HCN1: variants seen among roughly 807,000 people sequenced by gnomAD.
HCN1 encodes hyperpolarization activated cyclic nucleotide gated potassium channel 1, also known as potassium/sodium hyperpolarization-activated cyclic nucleotide-gated channel 1.
A neutral mutation model predicts 78.9 loss-of-function variants in HCN1; 13 were observed. The ratio of observed to expected loss-of-function variants is 0.16; its 90% CI spans 0.11 to 0.26. HCN1 has a LOEUF of 0.26. Among genes scored for constraint, HCN1 ranks in the 10% least tolerant of loss-of-function variants. The probability of loss-of-function intolerance (pLI) is 1.00; values close to 1 mark genes in which losing one functional copy is unlikely to be tolerated. For missense variants in HCN1, 810 were observed against 1,154.3 expected, an observed-to-expected ratio of 0.70 and a Z score of 4.32; for synonymous variants, 552 against 455.5, an observed-to-expected ratio of 1.21 and a Z score of -2.70.
chr5:45,562,989 T>TA (rs539336348), intron 2 of HCN1, among the ~76,000 whole-genome samples: 49 of 152,342 alleles, frequency 3.2e-4, no homozygotes, highest in African/African-American at 1.1e-3. Flanking sequence ...GAGAATTCTG[T>TA]ACTGAAACAT....
At chr5:45,283,087 C>T (rs531678422) in intron 6 of HCN1, among the ~76,000 whole-genome samples, 2 of 152,040 alleles carry the variant, frequency 1.3e-5, no homozygotes, top group South Asian at 2.1e-4. Context: ...ATGAACATTG[C>T]CATGGATGAA....
chr5:45,537,652 C>T (rs573887278), intron 2 of HCN1, among the ~76,000 whole-genome samples: 17 of 147,064 alleles, frequency 1.2e-4, no homozygotes, highest in Admixed American at 8.5e-4. Flanking sequence ...ATTCTTCTGC[C>T]TCAACCTCCC....
intron 4 of HCN1, among the ~76,000 whole-genome samples, chr5:45,365,976 C>A (rs1198059484): frequency 6.6e-6 from 1 of 151,756 alleles, no homozygotes; most frequent in African/African-American, 2.4e-5. Flanking sequence ...TGATTAAGGA[C>A]ATAATGTTTC....
intron 2 of HCN1, among the ~76,000 whole-genome samples, chr5:45,487,430 G>A (rs1052635023): frequency 1.3e-5 from 2 of 152,052 alleles, no homozygotes; most frequent in Admixed American, 6.6e-5. Context: ...TTAGTAGGAT[G>A]ATGGAAATTG....
At chr5:45,495,625 T>G (rs1221993791) in intron 2 of HCN1, among the ~76,000 whole-genome samples, 1 of 152,204 alleles carries the variant, frequency 6.6e-6, no homozygotes, top group East Asian at 1.9e-4. Flanking sequence ...TGGCCAGAAC[T>G]TCCAACACTA....
intron 1 of HCN1, 63 bp downstream of exon 1, chr5:45,695,606 G>C: frequency 6.5e-7 from 1 of 1,538,414 alleles, no homozygotes; most frequent in Non-Finnish European, 8.9e-7. Context: ...CCACCCAAGG[G>C]CGGGGAAGCG....
chr5:45,309,580 T>A (rs1430510923), intron 5 of HCN1, among the ~76,000 whole-genome samples: 1 of 152,156 alleles, frequency 6.6e-6, no homozygotes, highest in Admixed American at 6.6e-5. Context: ...CATGAAGTGA[T>A]GTTGAATTTT....
chr5:45,326,164 A>T (rs1055147778), intron 5 of HCN1, among the ~76,000 whole-genome samples: 7 of 151,654 alleles, frequency 4.6e-5, no homozygotes, highest in African/African-American at 1.7e-4. Flanking sequence ...TATATATCAC[A>T]TTGCATGCCT....
At chr5:45,671,490 C>T (rs1456894353) in intron 1 of HCN1, among the ~76,000 whole-genome samples, 2 of 151,384 alleles carry the variant, frequency 1.3e-5, no homozygotes, top group African/African-American at 4.8e-5. Flanking sequence ...GAGTAAGATT[C>T]ATGCCTTACT....
chr5:45,671,352 G>C (rs1746146038), intron 1 of HCN1, among the ~76,000 whole-genome samples: 1 of 151,152 alleles, frequency 6.6e-6, no homozygotes, highest in South Asian at 2.1e-4. Flanking sequence ...AGCAAATCAT[G>C]TTCAGTATGC....
At chr5:45,619,620 G>T (rs560774026) in intron 2 of HCN1, among the ~76,000 whole-genome samples, 9 of 152,046 alleles carry the variant, frequency 5.9e-5, no homozygotes, top group Admixed American at 1.3e-4. Context: ...ATAAATGAGG[G>T]AGATAGAAGA....
chr5:45,261,830 G>T lies in HCN1; in HGVS notation c.*91C>A. 2 of 1,474,672 alleles carry T rather than the reference G, an allele frequency of 1.4e-6. No homozygotes were observed. The highest frequency in any genetic ancestry group is 1.9e-6 in the Non-Finnish European group (2 of 1,059,732). The allele number at this position is 1,474,672 out of a possible 1,614,324, so 91.3% of individuals were successfully genotyped here. A position where few individuals can be genotyped will look rare whatever the true frequency, so the allele number is the denominator to read the frequency against. On this transcript the variant is annotated 3_prime_UTR_variant, in exon 8 of 8. Coordinates refer to ENST00000303230, the MANE Select transcript of HCN1 (RefSeq NM_021072.4). ...TAAAATATCTCTTCATAGTAGGCTA[G>T]AGGGATCTATCAGGAGATAGAATAA...
chr5:45,526,957 G>A (rs187825125), intron 2 of HCN1, among the ~76,000 whole-genome samples: 51 of 146,338 alleles, frequency 3.5e-4, no homozygotes, highest in African/African-American at 1.3e-3. Context: ...CAATTAAAAT[G>A]TCTATGAACT....
At position 45,267,271 on chromosome 5, in the gene HCN1, AAAG is replaced by A. The variant is rs755955059; in HGVS notation, c.1619-21_1619-19del. The A allele has an allele frequency of 2.5e-6, 4 of 1,612,448 alleles. No individual in the cohort carries two copies. Among genetic ancestry groups the A allele is most frequent in the South Asian group, 1.1e-5 (1 of 91,040 alleles). Reference sequence around the variant, plus strand: ...GCAAATCTCTATAAAAACAAACAACAAAGAAGAATGACTTGTTTGATCATTTTC... The same window carrying A: ...GCAAATCTCTATAAAAACAAACAACAAAGAATGACTTGTTTGATCATTTTC... On this transcript the variant is annotated intron_variant, in intron 6 of 7. Transcript: ENST00000303230.
intron 5 of HCN1, among the ~76,000 whole-genome samples, chr5:45,333,155 T>C (rs1746380514): frequency 6.6e-6 from 1 of 151,832 alleles, no homozygotes. Context: ...GCATTTGTTA[T>C]TGCCTGTCTT....
intron 5 of HCN1, among the ~76,000 whole-genome samples, chr5:45,317,202 C>T (rs1027424813): frequency 1.2e-4 from 18 of 152,170 alleles, no homozygotes; most frequent in African/African-American, 4.3e-4. Flanking sequence ...CAGCATGATA[C>T]TGGCACCAAA....
At chr5:45,563,263 A>G (rs1743642013) in intron 2 of HCN1, among the ~76,000 whole-genome samples, 1 of 152,104 alleles carries the variant, frequency 6.6e-6, no homozygotes, top group South Asian at 2.1e-4. Flanking sequence ...CAGCCTGGCC[A>G]ACATGGTGAA....
At chr5:45,404,020 A>C (rs2112048244) in intron 3 of HCN1, among the ~76,000 whole-genome samples, 1 of 152,172 alleles carries the variant, frequency 6.6e-6, no homozygotes, top group South Asian at 2.1e-4. Flanking sequence ...AAGCCTACAA[A>C]AGTCATAGGT....
chr5:45,363,149 T>TTATATATATATAC (rs2111993897), intron 4 of HCN1, among the ~76,000 whole-genome samples: 2 of 92,276 alleles, frequency 2.2e-5, no homozygotes, highest in East Asian at 8.5e-4. Flanking sequence ...TATATACATA[T>TTATATATATATAC]ATATATATAT....
Sources: gnomAD v4.1 joint callset for allele counts (sites outside exome capture counted in the v4.1 genomes callset) on GRCh38, gnomAD v4.1.1 for gene constraint, MANE v1.5 for transcripts, NCBI Gene and HGNC (gene_info 2026-07-23, HGNC 2026-07-21) for gene names.